SORL1: variants seen among roughly 807,000 people sequenced by gnomAD.
SORL1 encodes sortilin related receptor 1.
SORL1 carries 127 observed loss-of-function variants against 273.7 expected under a neutral mutation model. That is an observed-to-expected ratio of 0.46 (90% CI 0.40 to 0.54). The LOEUF (loss-of-function observed/expected upper bound fraction) is 0.54, where lower values mean the gene tolerates loss of function less well. Among genes scored for constraint, SORL1 ranks in the 20% least tolerant of loss-of-function variants. The pLI is 0.00. For missense variants in SORL1, 2,494 were observed against 2,846.1 expected, an observed-to-expected ratio of 0.88 and a Z score of 2.81; for synonymous variants, 1,031 against 1,067.4, an observed-to-expected ratio of 0.97 and a Z score of 0.66.
intron 1 of SORL1, among the ~76,000 whole-genome samples, chr11:121,458,850 T>A (rs1860947859): frequency 1.3e-5 from 2 of 152,220 alleles, no homozygotes; most frequent in Admixed American, 1.3e-4. Flanking sequence ...CAGTTTTTTT[T>A]AACTGTAACA....
At position 121,545,254 on chromosome 11, in the gene SORL1, A is replaced by C. The variant is rs1246044459; in HGVS notation, c.1876A>C (p.Thr626Pro). Reference sequence around the variant, plus strand: ...TCCTTTTTCTTTAGGAGTTCCCTGCACAGAGAATGACTACAAGCTGTGGTC... The same window carrying C: ...TCCTTTTTCTTTAGGAGTTCCCTGCCCAGAGAATGACTACAAGCTGTGGTC... ...NATDALGVPC[T>P]ENDYKLWSPS... The change falls in exon 14 of 48, where the codon ACA (threonine) becomes CCA (proline). Residue 626 changes from threonine to proline, a missense_variant. Physicochemically the swap from Thr to Pro is conservative, Grantham distance 38. Transcript: ENST00000260197. 6.2e-7 allele frequency: 1 copy of C among 1,614,002 alleles called. No homozygotes were observed. The highest frequency in any genetic ancestry group is 1.3e-5 in the African/African-American group (1 of 74,908).
chr11:121,611,248 C>CA, intron 39 of SORL1, 90 bp downstream of exon 39: 3 of 752,394 alleles, frequency 4.0e-6, no homozygotes, highest in Middle Eastern at 2.6e-4. Flanking sequence ...TGGAAAAAAA[C>CA]AAAAAACAAA....
At chr11:121,463,106 TCTGA>T (rs1440747582) in intron 1 of SORL1, among the ~76,000 whole-genome samples, 3 of 152,150 alleles carry the variant, frequency 2.0e-5, no homozygotes, top group African/African-American at 2.4e-5. Context: ...CTGTGCTCAC[TCTGA>T]CTGTGTTTCC....
chr11:121,456,050 C>G (rs1053151848), intron 1 of SORL1, among the ~76,000 whole-genome samples: 1 of 151,788 alleles, frequency 6.6e-6, no homozygotes, highest in Non-Finnish European at 1.5e-5. Flanking sequence ...AAGGCCAGGT[C>G]CAAGAAGAGG....
At chr11:121,472,906 G>A (rs910008861) in intron 2 of SORL1, among the ~76,000 whole-genome samples, 4 of 151,618 alleles carry the variant, frequency 2.6e-5, no homozygotes, top group African/African-American at 9.7e-5. Flanking sequence ...GTTGCGATGA[G>A]CTGAGATCAT....
At chr11:121,614,843 C>T in intron 40 of SORL1, 28 bp from the exon 41 acceptor site, 5 of 1,602,792 alleles carry the variant, frequency 3.1e-6, no homozygotes, top group Non-Finnish European at 4.3e-6. Flanking sequence ...CAACTTCCTC[C>T]TGGAATCTCC....
chr11:121,603,489 G>A (rs561193642), intron 32 of SORL1, among the ~76,000 whole-genome samples: 12 of 152,260 alleles, frequency 7.9e-5, no homozygotes, highest in Non-Finnish European at 8.8e-5. Context: ...GGAGCCTCCC[G>A]TGCAGTTTTA....
At chr11:121,458,743 G>A (rs1444163404) in intron 1 of SORL1, among the ~76,000 whole-genome samples, 1 of 152,222 alleles carries the variant, frequency 6.6e-6, no homozygotes, top group Non-Finnish European at 1.5e-5. Flanking sequence ...GCCTTCAAGC[G>A]CTGAAGTGGC....
In SORL1 at chr11:121,521,564, G is replaced by T. The variant is rs535290676; in HGVS notation, c.1404+715G>T. 4.6e-5 allele frequency among the ~76,000 whole-genome samples: 7 copies of T among 152,292 alleles called. No homozygotes were observed. The East Asian group carries it at 1.4e-3, about 29-fold the overall frequency. ...TATAGGTTTCTTCTTCTGAGTTTAGGTGGTGGAAGGAATGTATAGGAAATG... is the reference window on the plus strand; with the variant it reads ...TATAGGTTTCTTCTTCTGAGTTTAGTTGGTGGAAGGAATGTATAGGAAATG... On this transcript the variant is annotated intron_variant, in intron 9 of 47. Transcript: ENST00000260197.
chr11:121,619,209 T>A (rs1863685512), intron 42 of SORL1, among the ~76,000 whole-genome samples: 1 of 152,238 alleles, frequency 6.6e-6, no homozygotes, highest in Non-Finnish European at 1.5e-5. Flanking sequence ...TGTGCCAAGA[T>A]ATATGGAGAA....
In SORL1 at chr11:121,470,052, G is replaced by C. The variant is rs2134781541; in HGVS notation, c.331G>C (p.Gly111Arg). 1 of 1,614,144 alleles carries C rather than the reference G, an allele frequency of 6.2e-7. No homozygotes were observed. The highest frequency in any genetic ancestry group is 2.2e-5 in the East Asian group (1 of 44,874). ...CAATCAGATGGTGGTGCACTGGGCT[G>C]GAGAGAAAAGCAACGTGATCGTGGC... ...SHNQMVVHWA[G>R]EKSNVIVALA... is the part of the protein sequence containing the mutation. The change falls in exon 2 of 48, where the codon GGA becomes CGA. Residue 111 changes from glycine (G) to arginine (R), a missense_variant. Gly to Arg is a moderately radical substitution (Grantham distance 125). Coordinates refer to ENST00000260197, the MANE Select transcript of SORL1 (RefSeq NM_003105.6).
chr11:121,457,037 T>C (rs1860917002), intron 1 of SORL1, among the ~76,000 whole-genome samples: 1 of 152,224 alleles, frequency 6.6e-6, no homozygotes, highest in Non-Finnish European at 1.5e-5. Flanking sequence ...TTTATGTAGC[T>C]GAAGAGTTGC....
At chr11:121,616,642 T>C (rs765406359) in intron 41 of SORL1, among the ~76,000 whole-genome samples, 2 of 152,268 alleles carry the variant, frequency 1.3e-5, no homozygotes, top group Non-Finnish European at 2.9e-5. Flanking sequence ...TCAGCGCTTC[T>C]CTTTCCTACA....
At chr11:121,553,078 G>A (rs1015132220) in intron 16 of SORL1, among the ~76,000 whole-genome samples, 49 of 152,304 alleles carry the variant, frequency 3.2e-4, no homozygotes, top group African/African-American at 1.0e-3. Flanking sequence ...CCACGGTAGC[G>A]TCTGTATCAT....
chr11:121,576,880 C>T (rs1862938687), intron 24 of SORL1: 1 of 1,535,648 alleles, frequency 6.5e-7, no homozygotes, highest in Non-Finnish European at 8.7e-7. Context: ...TTTTCTCAAA[C>T]CACAGGCTGT....
Position 121,496,863 on chromosome 11 carries a change from TGCC to T in SORL1, c.759-5_759-3del. On this transcript the variant is annotated splice_polypyrimidine_tract_variant and splice_region_variant and intron_variant, in intron 5 of 47. Coordinates refer to ENST00000260197, the MANE Select transcript of SORL1 (RefSeq NM_003105.6). The stretch of plus-strand genomic sequence containing the variant: ...TGATAACAACCTTTTTTTTTTTTTC[TGCC>T]AGGGGAATTGATCCCTATGACAAAC... The T allele has an allele frequency of 1.9e-6, 3 of 1,572,626 alleles. No homozygotes were observed. The highest frequency in any genetic ancestry group is 2.8e-5 in the African/African-American group (2 of 72,312).
At chr11:121,603,572 C>T (rs540498940) in intron 32 of SORL1, among the ~76,000 whole-genome samples, 1 of 152,356 alleles carries the variant, frequency 6.6e-6, no homozygotes, top group East Asian at 1.9e-4. Flanking sequence ...TAACCCTTAA[C>T]TTACCAGTGC....
chr11:121,463,260 A>T (rs1414841246), intron 1 of SORL1, among the ~76,000 whole-genome samples: 29 of 149,712 alleles, frequency 1.9e-4, no homozygotes, highest in Admixed American at 2.7e-4. Flanking sequence ...TATTTTCCTC[A>T]TTTTTTTTTT....
chr11:121,597,191 A>G (rs1402386545), intron 32 of SORL1, among the ~76,000 whole-genome samples: 1 of 152,184 alleles, frequency 6.6e-6, no homozygotes, highest in Non-Finnish European at 1.5e-5. Context: ...CTCAGGGGGA[A>G]AGGGAAGAGG....
Sources: allele counts gnomAD v4.1 joint callset (sites outside exome capture counted in the v4.1 genomes callset), GRCh38; gene constraint gnomAD v4.1.1; transcripts MANE v1.5; gene names NCBI Gene and HGNC (gene_info 2026-07-23, HGNC 2026-07-21).